FRMPD1: variants seen among roughly 807,000 people sequenced by gnomAD.
The protein encoded by FRMPD1 is FERM and PDZ domain-containing protein 1.
A neutral mutation model predicts 117.8 loss-of-function variants in FRMPD1; 76 were observed. The ratio of observed to expected loss-of-function variants is 0.65; its 90% CI spans 0.54 to 0.78. The LOEUF (loss-of-function observed/expected upper bound fraction) is 0.78. Among genes scored for constraint, FRMPD1 ranks in the 30% least tolerant of loss-of-function variants. The pLI, the probability that FRMPD1 is intolerant of heterozygous loss-of-function variation, is 0.00. For synonymous variants in FRMPD1, 783 were observed against 770.4 expected (o/e 1.02, Z -0.27); for missense variants, 1,786 against 1,964.5 (o/e 0.91, Z 1.72).
rs373690544 is a variant in FRMPD1, at chr9:37,694,270, G to A, written c.101+1528G>A. Among the ~76,000 whole-genome samples the A allele has an allele frequency of 4.6e-5, 7 of 152,100 alleles. No individual in the cohort carries two copies. The East Asian group carries it at 7.7e-4, about 17-fold the overall frequency. On this transcript the variant is annotated intron_variant, in intron 2 of 15. Coordinates refer to ENST00000377765, the MANE Select transcript of FRMPD1 (RefSeq NM_014907.3). ...CCTATATCCTACTTCTGCCTTCCCC[G>A]ACTTGGTGATTTATTATACACATTA...
At chr9:37,700,061 T>G (rs1045120516) in intron 2 of FRMPD1, among the ~76,000 whole-genome samples, 7 of 152,360 alleles carry the variant, frequency 4.6e-5, no homozygotes, top group African/African-American at 1.7e-4. Context: ...TCTAATTCTG[T>G]TGACCTTTCT....
chr9:37,727,712 G>A (rs964291045), intron 7 of FRMPD1, among the ~76,000 whole-genome samples: 1 of 151,146 alleles, frequency 6.6e-6, no homozygotes, highest in African/African-American at 2.4e-5. Flanking sequence ...AGTTATGGGG[G>A]GTGATGAACA....
intron 1 of FRMPD1, among the ~76,000 whole-genome samples, chr9:37,685,426 A>C (rs549894737): frequency 1.3e-5 from 2 of 152,054 alleles, no homozygotes; most frequent in Non-Finnish European, 2.9e-5. Context: ...GGCGGATCAC[A>C]AAGTCAGGAG....
intron 1 of FRMPD1, among the ~76,000 whole-genome samples, chr9:37,690,223 C>T (rs2118010242): frequency 6.6e-6 from 1 of 152,068 alleles, no homozygotes; most frequent in East Asian, 1.9e-4. Flanking sequence ...TACAGTCTTT[C>T]ATTGACTTTA....
At chr9:37,679,414 A>T (rs1821644760) in intron 1 of FRMPD1, among the ~76,000 whole-genome samples, 2 of 152,350 alleles carry the variant, frequency 1.3e-5, no homozygotes, top group South Asian at 4.1e-4. Flanking sequence ...CAAAGCATAC[A>T]ATTCAGAAGT....
In FRMPD1 at chr9:37,745,171, G is replaced by C. The variant is rs1172892877; in HGVS notation, c.3139G>C (p.Glu1047Gln). Reference protein sequence around the residue: ...SQGDTLELQLEPHVQLEMGLE... With the variant: ...SQGDTLELQLQPHVQLEMGLE... ...AGGAGACACACTAGAGCTCCAGTTG[G>C]AGCCCCATGTCCAGTTGGAAATGGG... Residue 1047 changes from glutamate to glutamine, a missense_variant, in exon 16 of 16, where the codon GAG becomes CAG. Physicochemically the swap from Glu to Gln is conservative, Grantham distance 29. Coordinates refer to ENST00000377765, the MANE Select transcript of FRMPD1 (RefSeq NM_014907.3). The C allele has an allele frequency of 3.7e-6, 6 of 1,613,922 alleles. No homozygotes were observed. In the African/African-American group the frequency reaches 6.7e-5, roughly 18 times the overall value.
At chr9:37,656,139 C>T (rs1820836594) in intron 1 of FRMPD1, among the ~76,000 whole-genome samples, 2 of 152,220 alleles carry the variant, frequency 1.3e-5, no homozygotes, top group Admixed American at 1.3e-4. Context: ...TTTCACAGAG[C>T]CTAGCCCTAA....
chr9:37,670,252 G>A (rs139571520), intron 1 of FRMPD1, among the ~76,000 whole-genome samples: 1 of 152,262 alleles, frequency 6.6e-6, no homozygotes, highest in Middle Eastern at 3.4e-3. Flanking sequence ...AGTGCTGGGG[G>A]AGACGTATTC....
the FRMPD1 span, among the ~76,000 whole-genome samples, chr9:37,631,636 C>G: frequency 6.6e-6 from 1 of 152,180 alleles, no homozygotes; most frequent in Non-Finnish European, 1.5e-5. Context: ...CAAGGCCTTG[C>G]TCTGTCACCC....
the FRMPD1 span, among the ~76,000 whole-genome samples, chr9:37,628,079 G>A: frequency 6.6e-6 from 1 of 152,230 alleles, no homozygotes; most frequent in African/African-American, 2.4e-5. Context: ...AGTTACTAGT[G>A]AGGCATGCTG....
intron 2 of FRMPD1, among the ~76,000 whole-genome samples, chr9:37,704,483 CTCTAGAAGCAGTGCTAGTGTGCCTAT>C (rs1588942947): frequency 1.3e-5 from 2 of 152,188 alleles, no homozygotes; most frequent in East Asian, 3.9e-4. Context: ...GACCGCACTG[CTCTAGAAGCAGTGCTAGTGTGCCTAT>C]TGAAGAAAGT....
chr9:37,737,079 T>C lies in FRMPD1; in HGVS notation c.1402-17T>C, dbSNP rs1482694184. 6.2e-7 allele frequency: 1 copy of C among 1,604,850 alleles called. No homozygotes were observed. Among genetic ancestry groups the C allele is most frequent in the South Asian group, 1.1e-5 (1 of 90,822 alleles). The stretch of plus-strand genomic sequence containing the variant: ...CTTGGTCCTTGATAAACATGAGATT[T>C]CTATTTGCTTTCAAAGGTTCTGACT... On this transcript the variant is annotated splice_polypyrimidine_tract_variant and intron_variant, in intron 13 of 15. Transcript: ENST00000377765.
chr9:37,656,729 C>T (rs764091416), intron 1 of FRMPD1, among the ~76,000 whole-genome samples: 10 of 151,284 alleles, frequency 6.6e-5, no homozygotes, highest in Admixed American at 1.3e-4. Flanking sequence ...GCCTGAAGGA[C>T]AGTGGGAAGC....
At chr9:37,733,383 C>G in intron 10 of FRMPD1, 90 bp from the exon 11 acceptor site, 1 of 1,269,504 alleles carries the variant, frequency 7.9e-7, no homozygotes, top group African/African-American at 1.5e-5. Flanking sequence ...TATGGGAACA[C>G]TAAGTACTGA....
chr9:37,634,787 C>A, the FRMPD1 span, among the ~76,000 whole-genome samples: 1 of 150,202 alleles, frequency 6.7e-6, no homozygotes, highest in Non-Finnish European at 1.5e-5. Context: ...AAAAAGGGAT[C>A]CATGTGCAGA....
chr9:37,656,346 A>G (rs1207466785), intron 1 of FRMPD1, among the ~76,000 whole-genome samples: 1 of 152,230 alleles, frequency 6.6e-6, no homozygotes, highest in East Asian at 1.9e-4. Context: ...GCAACCTCTA[A>G]GATGAGTCTG....
chr9:37,694,060 T>C (rs1202042248), intron 2 of FRMPD1, among the ~76,000 whole-genome samples: 1 of 152,206 alleles, frequency 6.6e-6, no homozygotes, highest in Non-Finnish European at 1.5e-5. Context: ...ATTGGCTTCA[T>C]CTCTATGGCC....
At chr9:37,653,302 A>T (rs1193872782) in intron 1 of FRMPD1, among the ~76,000 whole-genome samples, 1 of 152,236 alleles carries the variant, frequency 6.6e-6, no homozygotes, top group African/African-American at 2.4e-5. Flanking sequence ...ATAAAAGTCA[A>T]TTCTTTTTAT....
chr9:37,610,653 G>A, the FRMPD1 span, among the ~76,000 whole-genome samples: 1 of 147,620 alleles, frequency 6.8e-6, no homozygotes, highest in African/African-American at 2.5e-5. Context: ...GGAGTGCAAT[G>A]GCGCGATCTC....
Sources: gnomAD v4.1 joint callset for allele counts (sites outside exome capture counted in the v4.1 genomes callset) on GRCh38, gnomAD v4.1.1 for gene constraint, MANE v1.5 for transcripts, NCBI Gene and HGNC (gene_info 2026-07-23, HGNC 2026-07-21) for gene names.